Variants in ZFP1 observed in about 807,000 individuals in gnomAD.
ZFP1 encodes the protein ZFP1 zinc finger protein.
A neutral mutation model predicts 38.5 loss-of-function variants in ZFP1; 32 were observed. That is an observed-to-expected ratio of 0.83 (90% CI 0.63 to 1.12). ZFP1 has a LOEUF of 1.12. Ranked by LOEUF, ZFP1 falls within the 50% of genes most tolerant of loss-of-function variation. The probability of loss-of-function intolerance (pLI) is 0.00; values close to 1 mark genes in which losing one functional copy is unlikely to be tolerated. For synonymous variants in ZFP1, 245 were observed against 168.8 expected (o/e 1.45, Z -3.50); for missense variants, 616 against 480.8 (o/e 1.28, Z -2.63).
intron 1 of ZFP1, among the ~76,000 whole-genome samples, chr16:75,152,543 C>T (rs922825766): frequency 2.0e-5 from 3 of 152,214 alleles, no homozygotes; most frequent in African/African-American, 7.2e-5. Context: ...GTTTCCATCT[C>T]TGCTGAAATT....
chr16:75,123,338 A>G, the ZFP1 span, among the ~76,000 whole-genome samples: 3 of 150,248 alleles, frequency 2.0e-5, no homozygotes, highest in African/African-American at 7.4e-5. Context: ...TGGGCGACAC[A>G]GAGACTCTGT....
the ZFP1 span, among the ~76,000 whole-genome samples, chr16:75,135,343 C>A: frequency 6.7e-6 from 1 of 148,648 alleles, no homozygotes; most frequent in Non-Finnish European, 1.5e-5. Flanking sequence ...AACCTTAACA[C>A]AAAATAACAC....
the ZFP1 span, among the ~76,000 whole-genome samples, chr16:75,123,773 G>A: frequency 6.7e-6 from 1 of 149,072 alleles, no homozygotes; most frequent in Admixed American, 6.7e-5. Flanking sequence ...CCACCACACA[G>A]GCCAAAAACA....
the ZFP1 span, among the ~76,000 whole-genome samples, chr16:75,128,271 A>G: frequency 1.3e-5 from 2 of 152,236 alleles, no homozygotes; most frequent in South Asian, 2.1e-4. Flanking sequence ...CCAACTCATC[A>G]GTATTTGATG....
intron 2 of ZFP1, among the ~76,000 whole-genome samples, chr16:75,159,728 C>G (rs2037670131): frequency 6.6e-6 from 1 of 152,092 alleles, no homozygotes; most frequent in Non-Finnish European, 1.5e-5. Flanking sequence ...TTTCACATGT[C>G]TAGCAGTTTT....
At chr16:75,163,603 AC>A (rs906036604) in intron 2 of ZFP1, among the ~76,000 whole-genome samples, 1 of 144,346 alleles carries the variant, frequency 6.9e-6, no homozygotes, top group African/African-American at 2.5e-5. Flanking sequence ...TGGCCACTGC[AC>A]CCAGCCTTTT....
chr16:75,139,387 A>AAAAAACAAAAACAAAAAC, the ZFP1 span, among the ~76,000 whole-genome samples: 149 of 144,220 alleles, frequency 1.0e-3, 2 homozygotes, highest in African/African-American at 4.2e-3. Flanking sequence ...AAAAAAAAAA[A>AAAAAACAAAAACAAAAAC]AAAAAAAAAC....
At chr16:75,125,611 C>G in the ZFP1 span, among the ~76,000 whole-genome samples, 1 of 152,112 alleles carries the variant, frequency 6.6e-6, no homozygotes, top group African/African-American at 2.4e-5. Flanking sequence ...GCCTGAGCCA[C>G]CGTGCCCAGC....
upstream of ZFP1, among the ~76,000 whole-genome samples, chr16:75,146,139 C>G (rs2036941196): frequency 6.6e-6 from 1 of 151,902 alleles, no homozygotes; most frequent in African/African-American, 2.4e-5. Flanking sequence ...ATACTGTTAC[C>G]ACACAATCCA....
At chr16:75,120,175 G>T in the ZFP1 span, among the ~76,000 whole-genome samples, 1 of 152,200 alleles carries the variant, frequency 6.6e-6, no homozygotes, top group African/African-American at 2.4e-5. Context: ...GTGCGTGTGT[G>T]TGTTTGTATT....
rs1259920396 is a variant in ZFP1, at chr16:75,170,976, T to TCTGGTTTGCTGAAGATTTTCTAGACTG, written c.*666_*667insCTGCTGGTTTGCTGAAGATTTTCTAGA. On this transcript the variant is annotated 3_prime_UTR_variant, in exon 4 of 4. Transcript: ENST00000570010. ...AGACAGTGTTGAAGTTTTCCCTGCT[T>TCTGGTTTGCTGAAGATTTTCTAGACTG]CTGGTTTGCTGAAGATTTTCTAGAA... The TCTGGTTTGCTGAAGATTTTCTAGACTG allele has an allele frequency of 3.3e-5, 5 of 152,326 alleles. No individual in the cohort carries two copies. Among genetic ancestry groups the TCTGGTTTGCTGAAGATTTTCTAGACTG allele is most frequent in the African/African-American group, 1.2e-4 (5 of 41,456 alleles). 9.4% of individuals were successfully genotyped at this position (152,326 alleles called of 1,614,324 possible).
chr16:75,120,882 C>G, the ZFP1 span, among the ~76,000 whole-genome samples: 3 of 152,094 alleles, frequency 2.0e-5, no homozygotes, highest in African/African-American at 4.8e-5. Flanking sequence ...GCCTCAGCCT[C>G]CCAAAGTGCT....
At chr16:75,135,235 C>CA in the ZFP1 span, among the ~76,000 whole-genome samples, 1 of 5,062 alleles carries the variant, frequency 2.0e-4, no homozygotes, top group Non-Finnish European at 5.1e-4. Flanking sequence ...AAAAAAAAAC[C>CA]ACTGGAAACA....
At chr16:75,139,858 G>A in the ZFP1 span, among the ~76,000 whole-genome samples, 6 of 152,208 alleles carry the variant, frequency 3.9e-5, no homozygotes, top group South Asian at 4.1e-4. Flanking sequence ...GAGTTCCAGC[G>A]ATGGATAGTG....
chr16:75,164,036 G>A (rs908047719), intron 2 of ZFP1, among the ~76,000 whole-genome samples: 9 of 152,150 alleles, frequency 5.9e-5, no homozygotes, highest in African/African-American at 2.2e-4. Context: ...TTTATATCAT[G>A]AACAGGATTA....
chr16:75,157,155 C>G (rs528434920), intron 2 of ZFP1: 1 of 151,624 alleles, frequency 6.6e-6, no homozygotes, highest in Admixed American at 6.6e-5. Flanking sequence ...TTTTGGATTA[C>G]TGTTGTTTTA....
chr16:75,128,424 AG>A, the ZFP1 span, among the ~76,000 whole-genome samples: 1 of 152,266 alleles, frequency 6.6e-6, no homozygotes, highest in Non-Finnish European at 1.5e-5. Flanking sequence ...AATTAGGCCA[AG>A]TACAATAAAG....
At position 75,152,890 on chromosome 16, in the gene ZFP1, C is replaced by A; in HGVS notation, c.-43-19C>A. ...GTCAGACCTTTAATAACAATGCCTTCCTTTTTCCTCTATTCCAGTTCTGCC... is the reference window on the plus strand; with the variant it reads ...GTCAGACCTTTAATAACAATGCCTTACTTTTTCCTCTATTCCAGTTCTGCC... On this transcript the variant is annotated intron_variant, in intron 1 of 3. Coordinates refer to ENST00000570010, the MANE Select transcript of ZFP1 (RefSeq NM_153688.4). 5 of 1,607,926 alleles carry A rather than the reference C, an allele frequency of 3.1e-6. No individual in the cohort carries two copies. The highest frequency in any genetic ancestry group is 4.2e-6 in the Non-Finnish European group (5 of 1,177,222).
chr16:75,165,699 GTT>G (rs1429340914), intron 2 of ZFP1, among the ~76,000 whole-genome samples: 1 of 151,988 alleles, frequency 6.6e-6, no homozygotes, highest in African/African-American at 2.4e-5. Flanking sequence ...TTTTAAATCA[GTT>G]TTGTTATATG....
Sources: allele counts gnomAD v4.1 joint callset (sites outside exome capture counted in the v4.1 genomes callset), GRCh38; gene constraint gnomAD v4.1.1; transcripts MANE v1.5; gene names NCBI Gene and HGNC (gene_info 2026-07-23, HGNC 2026-07-21).